The following IKZF1 variants were observed in gnomAD, a reference collection of about 807,000 sequenced individuals.
IKZF1 encodes the protein DNA-binding protein Ikaros.
A neutral mutation model predicts 51.7 loss-of-function variants in IKZF1; 10 were observed. The ratio of observed to expected loss-of-function variants is 0.19; its 90% CI spans 0.12 to 0.33. IKZF1 has a LOEUF of 0.33. Ranked by LOEUF, IKZF1 falls within the 10% of genes least tolerant of loss-of-function variation. The probability of loss-of-function intolerance (pLI) is 1.00; values close to 1 mark genes in which losing one functional copy is unlikely to be tolerated. For synonymous variants in IKZF1, 280 were observed against 282.3 expected (o/e 0.99, Z 0.08); for missense variants, 484 against 707.5 (o/e 0.68, Z 3.58).
rs1818093938 is a variant in IKZF1 at position 50,401,386 on chromosome 7, C to T, written c.*759C>T. The T allele has an allele frequency of 4.4e-6, 1 of 227,902 alleles. No individual in the cohort carries two copies. The highest frequency in any genetic ancestry group is 2.2e-5 in the African/African-American group (1 of 45,028). 14.1% of individuals were successfully genotyped at this position (227,902 alleles called of 1,614,324 possible). A position where few individuals can be genotyped will look rare whatever the true frequency, so the allele number is the denominator to read the frequency against. The stretch of plus-strand genomic sequence containing the variant: ...GCCTGAGCCTCCCGAGGCTTGCTGC[C>T]CCGTAGGAGGAGACTGTCTTCCCGT... On this transcript the variant is annotated 3_prime_UTR_variant, in exon 8 of 8. Transcript: ENST00000331340.
chr7:50,378,266 G>C (rs1022073401), intron 4 of IKZF1, among the ~76,000 whole-genome samples: 5 of 152,080 alleles, frequency 3.3e-5, no homozygotes, highest in African/African-American at 1.2e-4. Context: ...CTAAAATTAA[G>C]CAAACTTTGC....
intron 4 of IKZF1, among the ~76,000 whole-genome samples, chr7:50,382,206 C>G: frequency 6.6e-6 from 1 of 152,292 alleles, no homozygotes; most frequent in East Asian, 1.9e-4. Flanking sequence ...TGCCACAACA[C>G]GCAAAATTGG....
intron 3 of IKZF1, among the ~76,000 whole-genome samples, chr7:50,370,034 T>C (rs927823047): frequency 6.6e-6 from 1 of 152,256 alleles, no homozygotes; most frequent in East Asian, 1.9e-4. Context: ...CACCTCAAAT[T>C]TTCATTTAAT....
intron 3 of IKZF1, among the ~76,000 whole-genome samples, chr7:50,341,006 G>A (rs2153415618): frequency 6.6e-6 from 1 of 152,244 alleles, no homozygotes; most frequent in Non-Finnish European, 1.5e-5. Flanking sequence ...AAAAATTTCT[G>A]TTAAGGTTTT....
At chr7:50,373,967 C>CT (rs1331593576) in intron 3 of IKZF1, among the ~76,000 whole-genome samples, 1 of 152,212 alleles carries the variant, frequency 6.6e-6, no homozygotes, top group Non-Finnish European at 1.5e-5. Context: ...TCTTCAGGAT[C>CT]TGAAGGGGAG....
At chr7:50,332,878 G>T (rs1404851552) in intron 3 of IKZF1, among the ~76,000 whole-genome samples, 1 of 152,098 alleles carries the variant, frequency 6.6e-6, no homozygotes, top group Non-Finnish European at 1.5e-5. Flanking sequence ...CTGGCTCTGT[G>T]CACTGGAGCA....
At position 50,400,302 on chromosome 7, in the gene IKZF1, T is replaced by C. The variant is rs1409620690; in HGVS notation, c.1235T>C (p.Ile412Thr). 1 of 1,612,164 alleles carries C rather than the reference T, an allele frequency of 6.2e-7. No homozygotes were observed. Among genetic ancestry groups the C allele is most frequent in the African/African-American group, 1.3e-5 (1 of 74,610 alleles). ...SNNEEQRSGL[I>T]YLTNHIAPHA... ...AACGAGGAGCAGCGCAGCGGTCTCA[T>C]CTACCTGACCAACCACATCGCCCCG... is the stretch of plus-strand genomic sequence containing the variant. Residue 412 changes from isoleucine to threonine, a missense_variant, in exon 8 of 8, where the codon ATC (isoleucine) becomes ACC (threonine). By Grantham distance (89) the Ile-to-Thr change is moderately conservative (BLOSUM62 -1). Coordinates refer to ENST00000331340, the MANE Select transcript of IKZF1 (RefSeq NM_006060.6). This position sits in a 1 kb window ranked among gnomAD's most constrained non-coding sequence, Gnocchi z 5.4.
rs189757940 is a variant in IKZF1, at chr7:50,318,650, C to T, written c.-14-398C>T. The T allele has an allele frequency of 1.2e-4, 27 of 220,400 alleles. No individual in the cohort carries two copies. In the East Asian group the frequency reaches 1.4e-3, roughly 12 times the overall value. 13.7% of individuals were successfully genotyped at this position (220,400 alleles called of 1,614,324 possible). A position where few individuals can be genotyped will look rare whatever the true frequency, so the allele number is the denominator to read the frequency against. ...GTCACCAAGCTGACTCAAGGTTCAT[C>T]GATGCATGCTCAGTAAATTAGAAAG... is the stretch of plus-strand genomic sequence containing the variant. On this transcript the variant is annotated intron_variant, in intron 1 of 7. Transcript: ENST00000331340.
At chr7:50,314,217 T>C (rs564019625) in intron 1 of IKZF1, among the ~76,000 whole-genome samples, 75 of 152,344 alleles carry the variant, frequency 4.9e-4, no homozygotes, top group African/African-American at 1.7e-3. Flanking sequence ...TTCATGCCAT[T>C]CTTCTGCCTC....
chr7:50,315,599 C>A (rs1413565558), intron 1 of IKZF1, among the ~76,000 whole-genome samples: 4 of 152,178 alleles, frequency 2.6e-5, no homozygotes, highest in East Asian at 1.9e-4. Flanking sequence ...TTTTTACTAT[C>A]GCTTCTTTTA....
chr7:50,383,971 A>G (rs1403795069), intron 5 of IKZF1, among the ~76,000 whole-genome samples: 2 of 152,244 alleles, frequency 1.3e-5, no homozygotes, highest in African/African-American at 4.8e-5. Context: ...TTCTGCACAG[A>G]AGACCTCAGG....
intron 7 of IKZF1, chr7:50,394,358 G>A (rs544998105): frequency 7.3e-5 from 17 of 233,126 alleles, no homozygotes; most frequent in African/African-American, 3.5e-4. Context: ...AAAATTAAAA[G>A]GTGAGTGAGT....
chr7:50,326,186 G>A (rs1794963607), intron 2 of IKZF1, among the ~76,000 whole-genome samples: 1 of 152,224 alleles, frequency 6.6e-6, no homozygotes, highest in Non-Finnish European at 1.5e-5. Context: ...TACTCTTGTG[G>A]AAGGTTTATT....
At position 50,401,942 on chromosome 7, in the gene IKZF1, T is replaced by C; in HGVS notation, c.*1315T>C. On this transcript the variant is annotated 3_prime_UTR_variant, in exon 8 of 8. Coordinates refer to ENST00000331340, the MANE Select transcript of IKZF1 (RefSeq NM_006060.6). ...CATAGGATGGCTGGCTCTGCACCTG[T>C]AGGATATTGGAATGCACAGGGCAAT... 1 of 226,648 alleles carries C rather than the reference T, an allele frequency of 4.4e-6. No individual in the cohort carries two copies. Among genetic ancestry groups the C allele is most frequent in the Non-Finnish European group, 8.8e-6 (1 of 113,866 alleles). The allele number at this position is 226,648 out of a possible 1,614,324, so 14.0% of individuals were successfully genotyped here. A position where few individuals can be genotyped will look rare whatever the true frequency, so the allele number is the denominator to read the frequency against.
rs1790115776 is a variant in IKZF1, at chr7:50,311,326, T to TGC, written c.-15+6404_-15+6405insGC. On this transcript the variant is annotated intron_variant, in intron 1 of 7. Transcript: ENST00000331340. Reference sequence around the variant, plus strand: ...GCAACAATGAATCCCCTAATGTGTTTACTCTAGAACACATGTTCTTTCTGT... The same window carrying TGC: ...GCAACAATGAATCCCCTAATGTGTTTGCACTCTAGAACACATGTTCTTTCTGT... 2.0e-5 allele frequency among the ~76,000 whole-genome samples: 3 copies of TGC among 152,378 alleles called. No homozygotes were observed. In the South Asian group the frequency reaches 6.2e-4, roughly 32 times the overall value.
At chr7:50,346,713 G>A (rs1287100357) in intron 3 of IKZF1, among the ~76,000 whole-genome samples, 1 of 152,180 alleles carries the variant, frequency 6.6e-6, no homozygotes, top group Non-Finnish European at 1.5e-5. Context: ...GTGTGTAAGT[G>A]TACCTTCCCC....
intron 3 of IKZF1, among the ~76,000 whole-genome samples, chr7:50,360,896 C>G (rs1805009501): frequency 6.6e-6 from 1 of 152,274 alleles, no homozygotes; most frequent in Admixed American, 6.5e-5. Flanking sequence ...GCACACACCC[C>G]AAGCCCCTCC....
chr7:50,384,757 C>G (rs943990415), intron 5 of IKZF1, among the ~76,000 whole-genome samples: 4 of 152,242 alleles, frequency 2.6e-5, no homozygotes, highest in Admixed American at 6.5e-5. Flanking sequence ...TCTGTTGTTT[C>G]TAAGGAGCCA....
intron 2 of IKZF1, among the ~76,000 whole-genome samples, chr7:50,323,142 A>T (rs1262063094): frequency 6.6e-6 from 1 of 152,226 alleles, no homozygotes; most frequent in Non-Finnish European, 1.5e-5. Flanking sequence ...TATTTACCAA[A>T]CATTACCCAA....
Sources: gnomAD v4.1 joint callset for allele counts (sites outside exome capture counted in the v4.1 genomes callset) on GRCh38, gnomAD v4.1.1 for gene constraint, Gnocchi (gnomAD v3.1) non-coding constraint, MANE v1.5 for transcripts, NCBI Gene and HGNC (gene_info 2026-07-23, HGNC 2026-07-21) for gene names.